The following TUBGCP2 variants were observed in gnomAD, a reference collection of about 807,000 sequenced individuals.
The protein encoded by TUBGCP2 is tubulin gamma complex component 2, also known as gamma-tubulin complex component 2.
In TUBGCP2, 55 loss-of-function variants were observed where a neutral mutation model predicts 92.2. That is an observed-to-expected ratio of 0.60 (90% CI 0.48 to 0.75). TUBGCP2 has a LOEUF of 0.75. TUBGCP2 is among the 30% of genes least tolerant of loss of function. The probability of loss-of-function intolerance (pLI) is 0.00; values close to 1 mark genes in which losing one functional copy is unlikely to be tolerated. For synonymous variants in TUBGCP2, 533 were observed against 505.2 expected (o/e 1.06, Z -0.74); for missense variants, 1,093 against 1,188.9 (o/e 0.92, Z 1.19).
chr10:133,280,289 A>G (rs1237128872), intron 17 of TUBGCP2, among the ~76,000 whole-genome samples: 7 of 152,146 alleles, frequency 4.6e-5, no homozygotes, highest in African/African-American at 1.7e-4. Context: ...GGGCCTAGCA[A>G]TGGGGCCTGA....
chr10:133,305,645 A>G (rs1847796372), intron 1 of TUBGCP2, among the ~76,000 whole-genome samples: 1 of 152,172 alleles, frequency 6.6e-6, no homozygotes, highest in Admixed American at 6.5e-5. Flanking sequence ...ATGCTAATTC[A>G]CTAACGATTA....
At position 133,291,783 on chromosome 10, in the gene TUBGCP2, C is replaced by T. The variant is rs77585318; in HGVS notation, c.1214+716G>A. Among the ~76,000 whole-genome samples, 81 of 24,912 alleles carry T rather than the reference C, an allele frequency of 3.3e-3. 5 individuals are homozygous for T. Among genetic ancestry groups the T allele is most frequent in the Non-Finnish European group, 5.7e-3 (58 of 10,264 alleles). The allele number at this position is 24,912 out of a possible 152,430, so 16.3% of individuals were successfully genotyped here. On this transcript the variant is annotated intron_variant, in intron 8 of 17. Transcript: ENST00000252936. Reference sequence around the variant, plus strand: ...CGTGTCCCGGGGAGCCCTACCTGTACGGGAGAGGGCAGCACGCGCCCTCCG... The same window carrying T: ...CGTGTCCCGGGGAGCCCTACCTGTATGGGAGAGGGCAGCACGCGCCCTCCG...
At chr10:133,309,198 G>T, upstream of TUBGCP2, 1 of 1,374,736 alleles carries the variant, frequency 7.3e-7, no homozygotes, top group South Asian at 1.6e-5. Flanking sequence ...ACGACTGCGG[G>T]GCGGGGCCGG....
intron 4 of TUBGCP2, among the ~76,000 whole-genome samples, chr10:133,298,792 T>TCCAGCACAGAACGTGC (rs762752165): frequency 9.8e-5 from 15 of 152,350 alleles, no homozygotes; most frequent in Non-Finnish European, 1.8e-4. Context: ...TAGCACCATG[T>TCCAGCACAGAACGTGC]CCAGCACAGA....
At chr10:133,282,813 C>T (rs755202209) in intron 15 of TUBGCP2, among the ~76,000 whole-genome samples, 17 of 152,360 alleles carry the variant, frequency 1.1e-4, no homozygotes, top group Non-Finnish European at 2.2e-4. Flanking sequence ...GGGCCATAAG[C>T]AAAGGCCCCG....
Position 133,285,386 on chromosome 10 carries a change from C to G in TUBGCP2, c.1895+70G>C. The G allele has an allele frequency of 6.2e-7, 1 of 1,605,486 alleles. No individual in the cohort carries two copies. Among genetic ancestry groups the G allele is most frequent in the Non-Finnish European group, 8.5e-7 (1 of 1,176,694 alleles). ...CCTCTGTGGGACGAGGTGGCCACCG[C>G]GTGGCACAGTTCTCGCTTCTGCCAA... On this transcript the variant is annotated intron_variant, in intron 12 of 17. Transcript: ENST00000252936. This position sits in a 1 kb window ranked among gnomAD's most constrained non-coding sequence, Gnocchi z 6.8.
intron 11 of TUBGCP2, among the ~76,000 whole-genome samples, chr10:133,286,993 G>A (rs551908857): frequency 6.6e-6 from 1 of 152,272 alleles, no homozygotes; most frequent in African/African-American, 2.4e-5. Context: ...AGAGAAAACA[G>A]AAAAATACAG....
intron 17 of TUBGCP2, among the ~76,000 whole-genome samples, chr10:133,280,617 C>T (rs1366723449): frequency 6.6e-6 from 1 of 152,222 alleles, no homozygotes; most frequent in Non-Finnish European, 1.5e-5. Flanking sequence ...TGTCACACCC[C>T]AGGGAGAGCT....
In TUBGCP2 at chr10:133,289,807, C is replaced by CGCCCGCTGCGCCGTGGACGCCAAGTCCCT. The variant is rs1554935334; in HGVS notation, c.1360+16_1360+17insAGGGACTTGGCGTCCACGGCGCAGCGGGC. ...AGCTGTGCTGCGCACCCCAAGTCCC[C>CGCCCGCTGCGCCGTGGACGCCAAGTCCCT]GCCCGCTGCGCCGCACCTGTGCTGA... is the stretch of plus-strand genomic sequence containing the variant. On this transcript the variant is annotated intron_variant, in intron 9 of 17. Transcript: ENST00000252936. The CGCCCGCTGCGCCGTGGACGCCAAGTCCCT allele has an allele frequency of 5.9e-4, 916 of 1,559,630 alleles. 5 individuals are homozygous for CGCCCGCTGCGCCGTGGACGCCAAGTCCCT. The African/African-American group carries it at 0.011, about 19-fold the overall frequency.
rs1847209275 is a variant in TUBGCP2 at position 133,289,146 on chromosome 10, C to T, written c.1361-126G>A. ...GCTCTCCACACGGTCAGTCTGAGGC[C>T]CCAGCTGTCTTTGTCTACACAGAAG... On this transcript the variant is annotated intron_variant, in intron 9 of 17. Transcript: ENST00000252936. 5 of 1,100,538 alleles carry T rather than the reference C, an allele frequency of 4.5e-6. No individual in the cohort carries two copies. The South Asian group carries it at 6.4e-5, about 14-fold the overall frequency. 68.2% of individuals were successfully genotyped at this position (1,100,538 alleles called of 1,614,324 possible).
chr10:133,282,586 G>A (rs189297477), intron 15 of TUBGCP2, among the ~76,000 whole-genome samples: 393 of 152,202 alleles, frequency 2.6e-3, no homozygotes, highest in Non-Finnish European at 4.4e-3. Flanking sequence ...TTCCCTATTT[G>A]GGACCCTGAA....
At position 133,279,793 on chromosome 10, in the gene TUBGCP2, T is replaced by C. The variant is rs1228772083; in HGVS notation, c.2682A>G (p.Ala894=). The change falls in exon 18 of 18, where the codon GCA becomes GCG. Residue 894 remains alanine, a synonymous_variant. Coordinates refer to ENST00000252936, the MANE Select transcript of TUBGCP2 (RefSeq NM_006659.4). ...VPVLRGPPAP[A]PRVAVTAQ ...ACTGTGCGGTGACTGCGACCCTGGG[T>C]GCAGGAGCCGGGGGCCCCCGCAGGA... The C allele has an allele frequency of 6.4e-7, 1 of 1,566,946 alleles. No individual in the cohort carries two copies. The highest frequency in any genetic ancestry group is 8.6e-7 in the Non-Finnish European group (1 of 1,156,370).
chr10:133,295,784 A>G (rs1368062768), intron 5 of TUBGCP2: 3 of 152,424 alleles, frequency 2.0e-5, no homozygotes, highest in Admixed American at 6.5e-5. Context: ...ACACCACTCC[A>G]CAGCTGTTTT....
chr10:133,285,744 C>A lies in TUBGCP2; in HGVS notation c.1723-116G>T. 1 of 1,005,138 alleles carries A rather than the reference C, an allele frequency of 9.9e-7. No homozygotes were observed. The highest frequency in any genetic ancestry group is 1.3e-6 in the Non-Finnish European group (1 of 747,826). The allele number at this position is 1,005,138 out of a possible 1,614,324, so 62.3% of individuals were successfully genotyped here. On this transcript the variant is annotated intron_variant, in intron 11 of 17. Coordinates refer to ENST00000252936, the MANE Select transcript of TUBGCP2 (RefSeq NM_006659.4). The surrounding 1 kb of genome is among the most constrained non-coding windows in gnomAD (Gnocchi z 6.8). ...CGCTGACGTAAGGTTCCCTACATTC[C>A]GATTCTAAATATCAGAGGCTTTTCA...
chr10:133,291,316 G>A (rs1472582347), intron 8 of TUBGCP2, among the ~76,000 whole-genome samples: 1 of 69,972 alleles, frequency 1.4e-5, no homozygotes, highest in Non-Finnish European at 2.8e-5. Flanking sequence ...ACCTGTACGG[G>A]AGAGGGCAGC....
intron 16 of TUBGCP2, among the ~76,000 whole-genome samples, chr10:133,281,722 G>A (rs1250102397): frequency 4.6e-5 from 7 of 152,234 alleles, no homozygotes; most frequent in African/African-American, 1.4e-4. Context: ...CAAGGAGGTC[G>A]GGGCGCCTCT....
chr10:133,311,752 G>C (rs1564779427), upstream of TUBGCP2: 2 of 1,613,738 alleles, frequency 1.2e-6, no homozygotes, highest in East Asian at 2.2e-5. Flanking sequence ...ACAGTGGAGA[G>C]CGGTCAGAAG....
rs556516294 is a variant in TUBGCP2 at position 133,298,004 on chromosome 10, G to A, written c.564C>T (p.Ile188=). The A allele has an allele frequency of 1.8e-5, 29 of 1,613,922 alleles. No homozygotes were observed. Among genetic ancestry groups the A allele is most frequent in the Middle Eastern group, 3.3e-4 (2 of 6,026 alleles). ...TGCCAGCACCAATCAGGAAATCCCC[G>A]ATCAGGGCAGGTCTCTCATACACCC... ...PAWVYERPAL[I]GDFLIGAGIS... Residue 188 remains isoleucine (I), a synonymous_variant, in exon 5 of 18, where the codon ATC becomes ATT. Coordinates refer to ENST00000252936, the MANE Select transcript of TUBGCP2 (RefSeq NM_006659.4).
At chr10:133,309,255 T>A, upstream of TUBGCP2, 1 of 1,271,522 alleles carries the variant, frequency 7.9e-7, no homozygotes, top group Non-Finnish European at 1.1e-6. Flanking sequence ...GGCCGGAACG[T>A]GGAGTGGGCG....
Sources: allele counts gnomAD v4.1 joint callset (sites outside exome capture counted in the v4.1 genomes callset), GRCh38; gene constraint gnomAD v4.1.1; non-coding constraint Gnocchi (gnomAD v3.1); transcripts MANE v1.5; gene names NCBI Gene and HGNC (gene_info 2026-07-23, HGNC 2026-07-21).